Variants in SCN3A observed in about 807,000 individuals in gnomAD.
SCN3A encodes sodium voltage-gated channel alpha subunit 3.
A neutral mutation model predicts 187.6 loss-of-function variants in SCN3A; 60 were observed. The ratio of observed to expected loss-of-function variants is 0.32; its 90% CI spans 0.26 to 0.40. SCN3A has a LOEUF of 0.40. Among genes scored for constraint, SCN3A ranks in the 10% least tolerant of loss-of-function variants. SCN3A has a pLI of 1.00. For missense variants in SCN3A, 1,601 were observed against 2,428.2 expected (o/e 0.66, Z 7.16); for synonymous variants, 788 against 829.2 (o/e 0.95, Z 0.85).
intron 3 of SCN3A, among the ~76,000 whole-genome samples, chr2:165,175,405 A>T (rs1398253285): frequency 6.6e-6 from 1 of 152,200 alleles, no homozygotes; most frequent in African/African-American, 2.4e-5. Context: ...TGATACAATT[A>T]TGCATTTATT....
At chr2:165,128,274 T>C (rs1687115219) in intron 17 of SCN3A, among the ~76,000 whole-genome samples, 173 bp from the exon 18 acceptor site, 1 of 152,138 alleles carries the variant, frequency 6.6e-6, no homozygotes, top group African/African-American at 2.4e-5. Flanking sequence ...GGACCTAATA[T>C]CCTGCTCTAA....
intron 1 of SCN3A, among the ~76,000 whole-genome samples, chr2:165,196,994 G>C (rs1049616885): frequency 1.3e-5 from 2 of 152,146 alleles, no homozygotes; most frequent in Admixed American, 6.6e-5. Context: ...TGGATGCTCA[G>C]CTCCAAATGT....
chr2:165,178,529 C>T (rs1251063495), intron 2 of SCN3A, among the ~76,000 whole-genome samples: 2 of 151,982 alleles, frequency 1.3e-5, no homozygotes, highest in Non-Finnish European at 1.5e-5. Flanking sequence ...TGCACTGGGC[C>T]CAAAAAGTGT....
At chr2:165,091,446 T>A in intron 27 of SCN3A, 101 bp from the exon 28 acceptor site, 1 of 1,347,602 alleles carries the variant, frequency 7.4e-7, no homozygotes, top group Non-Finnish European at 1.0e-6. Context: ...TTGTTATGAA[T>A]ATGAGCCTTT....
At chr2:165,158,262 T>TG (rs1379235421) in intron 9 of SCN3A, among the ~76,000 whole-genome samples, 2 of 94,970 alleles carry the variant, frequency 2.1e-5, no homozygotes, top group Non-Finnish European at 3.7e-5. Context: ...ACCTTTAGTC[T>TG]TACAGACTCC....
chr2:165,146,402 GTGT>G (rs1227329362), intron 12 of SCN3A, among the ~76,000 whole-genome samples: 1 of 145,392 alleles, frequency 6.9e-6, no homozygotes, highest in African/African-American at 2.5e-5. Flanking sequence ...GTGTGTGTGT[GTGT>G]GTGTGTGTGT....
Position 165,154,479 on chromosome 2 carries a change from C to A in SCN3A, c.1353G>T (p.Gln451His). 1 of 1,614,072 alleles carries A rather than the reference C, an allele frequency of 6.2e-7. No homozygotes were observed. Among genetic ancestry groups the A allele is most frequent in the Non-Finnish European group, 8.5e-7 (1 of 1,179,990 alleles). ...KEAEFQQMLE[Q>H]LKKQQEEAQA... is the part of the protein sequence containing the mutation. ...GAGCTTCTTCCTGTTGCTTTTTAAG[C>A]TGTTCGAGCATCTGCTGAAATTCGG... is the stretch of plus-strand genomic sequence containing the variant. The change falls in exon 11 of 28, where the codon CAG becomes CAT. Residue 451 changes from glutamine to histidine, a missense_variant. This residue lies in a region of SCN3A where 376 missense variants were observed against 476.0 expected (regional missense o/e 0.79). Transcript: ENST00000283254.
At chr2:165,133,094 A>G (rs1399889361) in intron 15 of SCN3A, among the ~76,000 whole-genome samples, 4 of 152,214 alleles carry the variant, frequency 2.6e-5, no homozygotes, top group Admixed American at 1.3e-4. Context: ...ACCATCTCAC[A>G]CCAGTTAGAA....
At chr2:165,115,065 T>TA (rs1457612111) in intron 19 of SCN3A, among the ~76,000 whole-genome samples, 1 of 152,126 alleles carries the variant, frequency 6.6e-6, no homozygotes, top group Admixed American at 6.5e-5. Context: ...ATTTATGTAT[T>TA]TATTTTGAGA....
chr2:165,090,684 A>G lies in SCN3A; in HGVS notation c.5469T>C (p.Pro1823=). 6.2e-7 allele frequency: 1 copy of G among 1,614,096 alleles called. No homozygotes were observed. The highest frequency in any genetic ancestry group is 8.5e-7 in the Non-Finnish European group (1 of 1,180,012). The change falls in exon 28 of 28, where the codon CCT becomes CCC. Residue 1823 remains proline (P), a synonymous_variant. Transcript: ENST00000283254. The surrounding 1 kb of genome is among the most constrained non-coding windows in gnomAD (Gnocchi z 4.0). The part of the protein sequence containing the change: ...LSDFAAALDP[P]LLIAKPNKVQ... ...CTTTGTTGGGTTTTGCTATGAGAAG[A>G]GGAGGATCCAGGGCAGCTGCAAAAT...
Position 165,127,567 on chromosome 2 carries a change from A to C in SCN3A, c.3393+64T>G, listed in dbSNP as rs1164305758. ...TAATGCATATAAGCACAATGAAAAT[A>C]GTAAATAACTGTAGTACATGGTTAT... On this transcript the variant is annotated intron_variant, in intron 18 of 27. Coordinates refer to ENST00000283254, the MANE Select transcript of SCN3A (RefSeq NM_006922.4). 6 of 1,281,324 alleles carry C rather than the reference A, an allele frequency of 4.7e-6. No homozygotes were observed. In the East Asian group the frequency reaches 6.9e-5, roughly 15 times the overall value. 79.4% of individuals were successfully genotyped at this position (1,281,324 alleles called of 1,614,324 possible).
rs1334942208 is a variant in SCN3A at position 165,170,512 on chromosome 2, G to A, written c.301C>T (p.Arg101Ter). ...IVMNKGKAIF[R>*]FSATSALYIL... ...TACAAGGCAGAGGTGGCACTGAATC[G>A]GAAAATTGCCTTTCCTTTATTCATT... Residue 101 changes from arginine (R) to a stop codon, truncating the protein, a stop_gained, in exon 4 of 28, where the codon CGA (arginine) becomes TGA (stop). Transcript: ENST00000283254. LOFTEE classifies it high-confidence loss of function. 6 of 1,610,618 alleles carry A rather than the reference G, an allele frequency of 3.7e-6. No homozygotes were observed. Among genetic ancestry groups the A allele is most frequent in the Non-Finnish European group, 4.2e-6 (5 of 1,177,722 alleles).
chr2:165,120,767 T>C (rs1686629860), intron 18 of SCN3A, among the ~76,000 whole-genome samples: 1 of 151,786 alleles, frequency 6.6e-6, no homozygotes, highest in South Asian at 2.1e-4. Flanking sequence ...TTGGGTTGCT[T>C]GTCCTAGGCG....
chr2:165,115,369 A>C (rs1005337205), intron 19 of SCN3A, 86 bp downstream of exon 19: 13 of 1,573,828 alleles, frequency 8.3e-6, no homozygotes, highest in African/African-American at 2.7e-5. Flanking sequence ...ACCTCGTTTC[A>C]TAAATTTTTT....
intron 3 of SCN3A, among the ~76,000 whole-genome samples, chr2:165,173,896 G>A (rs941059385): frequency 1.3e-5 from 2 of 152,160 alleles, no homozygotes; most frequent in African/African-American, 2.4e-5. Context: ...ATGGTTCACA[G>A]CCACTATGAA....
intron 18 of SCN3A, among the ~76,000 whole-genome samples, chr2:165,125,814 T>G (rs1686960719): frequency 6.6e-6 from 1 of 152,202 alleles, no homozygotes. Context: ...CATAAATTCA[T>G]GCCAGGTGAT....
chr2:165,198,283 T>C (rs532804191), intron 1 of SCN3A, among the ~76,000 whole-genome samples: 1 of 152,022 alleles, frequency 6.6e-6, no homozygotes, highest in South Asian at 2.1e-4. Flanking sequence ...GATTCAAGGA[T>C]TTGAAATGAA....
intron 21 of SCN3A, among the ~76,000 whole-genome samples, chr2:165,105,450 C>T (rs1021221437): frequency 6.6e-6 from 1 of 152,146 alleles, no homozygotes; most frequent in African/African-American, 2.4e-5. Flanking sequence ...AGCTGCACAC[C>T]TTCCTGCTTC....
At position 165,162,114 on chromosome 2, in the gene SCN3A, G is replaced by T. The variant is rs955615588; in HGVS notation, c.1031+194C>A. 6.6e-5 allele frequency among the ~76,000 whole-genome samples: 10 copies of T among 152,296 alleles called. No individual in the cohort carries two copies. The South Asian group carries it at 1.0e-3, about 16-fold the overall frequency. On this transcript the variant is annotated intron_variant, in intron 9 of 27. Transcript: ENST00000283254. ...TTTTGGGGAAAGGTCTTCACAAAGG[G>T]ATAATTTTTAATTGCTGTGAGTTTA...
Sources: allele counts gnomAD v4.1 joint callset (sites outside exome capture counted in the v4.1 genomes callset), GRCh38; gene constraint gnomAD v4.1.1; regional missense constraint gnomAD v4.1.1; non-coding constraint Gnocchi (gnomAD v3.1); transcripts MANE v1.5; gene names NCBI Gene and HGNC (gene_info 2026-07-23, HGNC 2026-07-21).